DNAH5: variants seen among roughly 807,000 people sequenced by gnomAD.
The protein encoded by DNAH5 is axonemal beta dynein heavy chain 5.
DNAH5 carries 372 observed loss-of-function variants against 518.2 expected under a neutral mutation model. The observed-to-expected ratio is 0.72, with a 90% CI of 0.66 to 0.78. DNAH5 has a LOEUF of 0.78. DNAH5 is among the 30% of genes least tolerant of loss of function. The probability of loss-of-function intolerance (pLI) is 0.00; values close to 1 mark genes in which losing one functional copy is unlikely to be tolerated. For synonymous variants in DNAH5, 2,039 were observed against 2,025.9 expected (o/e 1.01, Z -0.17); for missense variants, 5,523 against 5,687.0 (o/e 0.97, Z 0.93).
At chr5:13,962,698 CT>C (rs1781262828) in intron 1 of DNAH5, among the ~76,000 whole-genome samples, 1 of 152,096 alleles carries the variant, frequency 6.6e-6, no homozygotes, top group Admixed American at 6.6e-5. Context: ...GAAAGAAGAA[CT>C]TGATTAGATA....
At chr5:13,973,798 G>T (rs1169622885) in intron 1 of DNAH5, among the ~76,000 whole-genome samples, 1 of 151,298 alleles carries the variant, frequency 6.6e-6, no homozygotes, top group African/African-American at 2.4e-5. Context: ...GTGTGCGAAT[G>T]CCCGATGGCA....
chr5:13,790,656 T>A (rs1047602263), intron 50 of DNAH5, among the ~76,000 whole-genome samples: 4 of 152,198 alleles, frequency 2.6e-5, no homozygotes, highest in African/African-American at 9.6e-5. Flanking sequence ...TCCACACTTC[T>A]CCTTCTTGCT....
At chr5:13,899,383 C>A (rs1774296676) in intron 15 of DNAH5, 1 of 152,314 alleles carries the variant, frequency 6.6e-6, no homozygotes, top group African/African-American at 2.4e-5. Context: ...TCTGTATTCT[C>A]TCCCCTAAGA....
chr5:13,864,147 T>G (rs1389086404), intron 28 of DNAH5, among the ~76,000 whole-genome samples: 1 of 152,230 alleles, frequency 6.6e-6, no homozygotes, highest in Non-Finnish European at 1.5e-5. Context: ...TTGCCACAGC[T>G]TATAACTGTG....
At chr5:13,871,524 T>C (rs373748892) in intron 23 of DNAH5, 40 bp downstream of exon 23, 4 of 1,522,190 alleles carry the variant, frequency 2.6e-6, no homozygotes, top group Non-Finnish European at 3.6e-6. Flanking sequence ...AGAACAATAA[T>C]GGCTAATTTA....
At chr5:13,918,535 C>A (rs1350991012) in intron 7 of DNAH5, among the ~76,000 whole-genome samples, 2 of 152,074 alleles carry the variant, frequency 1.3e-5, no homozygotes. Context: ...AGTGGCACGA[C>A]CTCGGCTCAC....
rs375557733 is a variant in DNAH5, at chr5:13,766,003, A to G, written c.10074T>C (p.Thr3358=). 7.4e-6 allele frequency: 12 copies of G among 1,614,078 alleles called. No homozygotes were observed. The African/African-American group carries it at 1.2e-4, about 16-fold the overall frequency. The part of the protein sequence containing the change: ...PSWQESLKLM[T]AGNFLQNLQQ... ...GTAAGTTCTGTAAAAAGTTCCCTGC[A>G]GTCATCAATTTTAAGGATTCCTGCC... Residue 3358 remains threonine (T), a synonymous_variant, in exon 59 of 79, where the codon ACT becomes ACC. Coordinates refer to ENST00000265104, the MANE Select transcript of DNAH5 (RefSeq NM_001369.3).
intron 76 of DNAH5, among the ~76,000 whole-genome samples, chr5:13,706,249 T>A (rs1742773941): frequency 6.6e-6 from 1 of 152,248 alleles, no homozygotes; most frequent in Non-Finnish European, 1.5e-5. Flanking sequence ...TGCCTTTCCA[T>A]GCCTGCATTT....
At chr5:13,721,303 T>C (rs966247709) in intron 70 of DNAH5, 58 bp from the exon 71 acceptor site, 1 of 1,609,236 alleles carries the variant, frequency 6.2e-7, no homozygotes, top group African/African-American at 1.3e-5. Context: ...ATGTAGATAA[T>C]GTAGTGTGGT....
chr5:13,861,423 C>T (rs1269688690), intron 29 of DNAH5, among the ~76,000 whole-genome samples: 4 of 152,236 alleles, frequency 2.6e-5, no homozygotes, highest in Admixed American at 6.5e-5. Flanking sequence ...AGTATTGATA[C>T]ACATATATAT....
At chr5:13,786,499 A>G (rs1443743933) in intron 51 of DNAH5, 148 bp from the exon 52 acceptor site, 1 of 793,454 alleles carries the variant, frequency 1.3e-6, no homozygotes, top group Non-Finnish European at 2.1e-6. Flanking sequence ...GCAAAAACAG[A>G]AGACAACAAT....
intron 55 of DNAH5, among the ~76,000 whole-genome samples, chr5:13,773,961 C>G (rs939916530): frequency 1.3e-5 from 2 of 151,642 alleles, no homozygotes; most frequent in African/African-American, 2.4e-5. Context: ...GAAAACAGAG[C>G]AGGAAAGAAA....
intron 78 of DNAH5, among the ~76,000 whole-genome samples, chr5:13,694,323 G>A (rs1741078857): frequency 6.6e-6 from 1 of 152,180 alleles, no homozygotes; most frequent in African/African-American, 2.4e-5. Context: ...ACAGCGTGCA[G>A]CAAATTTCTG....
chr5:13,798,533 A>G (rs1007062209), intron 47 of DNAH5, among the ~76,000 whole-genome samples: 2 of 152,168 alleles, frequency 1.3e-5, no homozygotes, highest in Non-Finnish European at 2.9e-5. Flanking sequence ...GGAGGTATGT[A>G]AAGATAAAAT....
At chr5:13,920,417 T>G (rs1777123270) in intron 6 of DNAH5, 63 bp downstream of exon 6, 1 of 1,599,438 alleles carries the variant, frequency 6.3e-7, no homozygotes, top group East Asian at 2.2e-5. Context: ...TCAATACACC[T>G]TCTTCCATTG....
In DNAH5 at chr5:13,865,675, G is replaced by T; in HGVS notation, c.4348C>A (p.Gln1450Lys). Residue 1450 changes from glutamine to lysine, a missense_variant, in exon 27 of 79, where the codon CAG (glutamine) becomes AAG (lysine). Gln to Lys is a moderately conservative substitution (Grantham distance 53). Around this residue, in one of 3 missense-constraint regions of DNAH5, gnomAD observed 5,121 missense variants for 5,223.3 expected, o/e 0.98. Transcript: ENST00000265104. Reference sequence around the variant, plus strand: ...AAACATTTAATTTCTTACCTGTTCTGGAATTCTAAGAGTTCATTGTTAATT... The same window carrying T: ...AAACATTTAATTTCTTACCTGTTCTTGAATTCTAAGAGTTCATTGTTAATT... ...EKINNELLEF[Q>K]NRCRKLPRAL... The T allele has an allele frequency of 1.3e-6, 2 of 1,555,076 alleles. No homozygotes were observed. The highest frequency in any genetic ancestry group is 1.1e-5 in the South Asian group (1 of 89,786).
At chr5:13,917,464 C>T (rs1350072402) in intron 7 of DNAH5, among the ~76,000 whole-genome samples, 1 of 152,244 alleles carries the variant, frequency 6.6e-6, no homozygotes, top group African/African-American at 2.4e-5. Flanking sequence ...TCTTCCAGGG[C>T]TTCTCATATA....
At chr5:13,797,855 C>G (rs1302238197) in intron 47 of DNAH5, among the ~76,000 whole-genome samples, 1 of 152,116 alleles carries the variant, frequency 6.6e-6, no homozygotes, top group Non-Finnish European at 1.5e-5. Flanking sequence ...ACATATACAC[C>G]ATGGAATACT....
chr5:13,946,195 C>G (rs1407384005), upstream of DNAH5, among the ~76,000 whole-genome samples: 2 of 152,190 alleles, frequency 1.3e-5, no homozygotes, highest in South Asian at 4.1e-4. Context: ...GTATTTTAGG[C>G]ACCATCCTCA....
Sources: allele counts gnomAD v4.1 joint callset (sites outside exome capture counted in the v4.1 genomes callset), GRCh38; gene constraint gnomAD v4.1.1; regional missense constraint gnomAD v4.1.1; transcripts MANE v1.5; gene names NCBI Gene and HGNC (gene_info 2026-07-23, HGNC 2026-07-21).